Variants in GRM8 observed in about 807,000 individuals in gnomAD.
GRM8 encodes glutamate metabotropic receptor 8, also known as metabotropic glutamate receptor 8.
GRM8 carries 47 observed loss-of-function variants against 87.2 expected under a neutral mutation model. The ratio of observed to expected loss-of-function variants is 0.54; its 90% CI spans 0.43 to 0.69. The LOEUF is 0.69. GRM8 is among the 30% of genes least tolerant of loss of function. The probability of loss-of-function intolerance (pLI) is 0.00; values close to 1 mark genes in which losing one functional copy is unlikely to be tolerated. For synonymous variants in GRM8, 396 were observed against 404.5 expected (o/e 0.98, Z 0.25); for missense variants, 1,019 against 1,139.2 (o/e 0.89, Z 1.52).
At chr7:126,809,412 G>A (rs980836665) in intron 6 of GRM8, among the ~76,000 whole-genome samples, 3 of 152,100 alleles carry the variant, frequency 2.0e-5, no homozygotes, top group African/African-American at 7.2e-5. Flanking sequence ...AAAATAATTA[G>A]AGGGAAATCT....
At chr7:126,440,354 T>G (rs575361617) in intron 10 of GRM8, among the ~76,000 whole-genome samples, 6 of 133,508 alleles carry the variant, frequency 4.5e-5, no homozygotes, top group Non-Finnish European at 9.2e-5. Context: ...GAGGTTCCAG[T>G]GAGCCGAGAT....
chr7:126,529,064 A>T (rs187474027), intron 9 of GRM8, among the ~76,000 whole-genome samples: 38 of 152,358 alleles, frequency 2.5e-4, no homozygotes, highest in African/African-American at 8.4e-4. Context: ...GACAACTATA[A>T]TAATTCTTGC....
intron 6 of GRM8, among the ~76,000 whole-genome samples, chr7:126,897,247 T>C (rs916142532): frequency 3.3e-5 from 5 of 152,174 alleles, no homozygotes; most frequent in African/African-American, 9.7e-5. Context: ...ATATTCACTA[T>C]TGGGTCCTCA....
At chr7:127,137,275 A>T (rs1258323545) in intron 2 of GRM8, among the ~76,000 whole-genome samples, 1 of 152,056 alleles carries the variant, frequency 6.6e-6, no homozygotes, top group Non-Finnish European at 1.5e-5. Flanking sequence ...AATGCCAGAG[A>T]GTAGGCACTT....
intron 6 of GRM8, among the ~76,000 whole-genome samples, chr7:126,774,786 G>C (rs767222867): frequency 6.6e-6 from 1 of 152,102 alleles, no homozygotes; most frequent in Non-Finnish European, 1.5e-5. Context: ...AAGTTCCTAA[G>C]GTGAGCCTAA....
intron 2 of GRM8, among the ~76,000 whole-genome samples, chr7:127,142,705 TGGATGGATG>T (rs982076312): frequency 2.6e-5 from 4 of 151,984 alleles, no homozygotes; most frequent in Non-Finnish European, 5.9e-5. Flanking sequence ...ATGGATTGGA[TGGATGGATG>T]GGATGGATGG....
intron 8 of GRM8, among the ~76,000 whole-genome samples, chr7:126,572,605 T>C (rs1447342908): frequency 6.6e-6 from 1 of 152,212 alleles, no homozygotes; most frequent in African/African-American, 2.4e-5. Context: ...AAACTATCAA[T>C]TGAAATGTAA....
intron 2 of GRM8, among the ~76,000 whole-genome samples, chr7:127,198,357 GA>G (rs1028341110): frequency 6.6e-6 from 1 of 152,176 alleles, no homozygotes; most frequent in African/African-American, 2.4e-5. Flanking sequence ...GATATGTACT[GA>G]ATTTGATTCC....
chr7:126,740,690 AT>A (rs1427544631), intron 7 of GRM8, among the ~76,000 whole-genome samples: 3 of 152,144 alleles, frequency 2.0e-5, no homozygotes, highest in Non-Finnish European at 2.9e-5. Flanking sequence ...GAACTCAGCA[AT>A]TCTTGATTTG....
chr7:127,231,208 T>C (rs1405126593), intron 2 of GRM8, among the ~76,000 whole-genome samples: 1 of 152,092 alleles, frequency 6.6e-6, no homozygotes, highest in African/African-American at 2.4e-5. Flanking sequence ...GTGGGTTAAA[T>C]GCTAGCATCT....
chr7:126,761,823 T>C (rs753633925), intron 7 of GRM8, among the ~76,000 whole-genome samples: 7 of 152,230 alleles, frequency 4.6e-5, no homozygotes, highest in Non-Finnish European at 7.3e-5. Flanking sequence ...TTCTCTGTCA[T>C]GAATACCTTT....
At chr7:127,158,265 A>T (rs1041805785) in intron 2 of GRM8, among the ~76,000 whole-genome samples, 1 of 152,152 alleles carries the variant, frequency 6.6e-6, no homozygotes. Context: ...CCTAGAGAGG[A>T]CATGGAATAG....
At chr7:126,806,716 G>A (rs556426860) in intron 6 of GRM8, among the ~76,000 whole-genome samples, 42 of 152,338 alleles carry the variant, frequency 2.8e-4, no homozygotes, top group East Asian at 1.7e-3. Context: ...GGGACTTTGC[G>A]GCACCTAGCC....
intron 3 of GRM8, among the ~76,000 whole-genome samples, chr7:127,031,797 C>A (rs1378906468): frequency 6.6e-6 from 1 of 152,092 alleles, no homozygotes; most frequent in Non-Finnish European, 1.5e-5. Context: ...AATCTCAATA[C>A]CTCTCCATCT....
rs564586623 is a variant in GRM8, at chr7:126,976,543, G to T, written c.728-71860C>A. 4.6e-5 allele frequency among the ~76,000 whole-genome samples: 7 copies of T among 152,148 alleles called. No individual in the cohort carries two copies. The East Asian group carries it at 1.4e-3, about 29-fold the overall frequency. On this transcript the variant is annotated intron_variant, in intron 3 of 10. Coordinates refer to ENST00000339582, the MANE Select transcript of GRM8 (RefSeq NM_000845.3). ...TAGGAGGCGGAGCTTGCAGTGAACC[G>T]AGATGGCGCCACTGCACTCCAGCCT...
At chr7:126,940,571 C>A (rs970394126) in intron 3 of GRM8, among the ~76,000 whole-genome samples, 2 of 152,298 alleles carry the variant, frequency 1.3e-5, no homozygotes, top group African/African-American at 4.8e-5. Flanking sequence ...AGACCAGAAT[C>A]CATCAACTTT....
In GRM8 at chr7:127,207,892, C is replaced by T. The variant is rs192129259; in HGVS notation, c.510+34803G>A. Among the ~76,000 whole-genome samples the T allele has an allele frequency of 2.0e-5, 3 of 152,314 alleles. No individual in the cohort carries two copies. In the East Asian group the frequency reaches 5.8e-4, roughly 29 times the overall value. ...AGGGTTAAGTCATGCACCCTCCACA[C>T]TTAAAGAGTAAATTCTGTTCCAACT... On this transcript the variant is annotated intron_variant, in intron 2 of 10. Coordinates refer to ENST00000339582, the MANE Select transcript of GRM8 (RefSeq NM_000845.3).
chr7:126,870,840 C>T (rs1181545683), intron 6 of GRM8, among the ~76,000 whole-genome samples: 2 of 152,172 alleles, frequency 1.3e-5, no homozygotes, highest in African/African-American at 4.8e-5. Flanking sequence ...CACTGATAGA[C>T]TTGCTTGATG....
At chr7:126,590,018 A>G (rs1478564536) in intron 8 of GRM8, among the ~76,000 whole-genome samples, 1 of 152,116 alleles carries the variant, frequency 6.6e-6, no homozygotes, top group Non-Finnish European at 1.5e-5. Context: ...ATGGATCCAA[A>G]GCATGAAGAA....
Sources: allele counts gnomAD v4.1 joint callset (sites outside exome capture counted in the v4.1 genomes callset), GRCh38; gene constraint gnomAD v4.1.1; transcripts MANE v1.5; gene names NCBI Gene and HGNC (gene_info 2026-07-23, HGNC 2026-07-21).